The following TFRC variants were observed in gnomAD, a reference collection of about 807,000 sequenced individuals.
TFRC encodes the protein transferrin receptor, also known as transferrin receptor protein 1.
A neutral mutation model predicts 85.8 loss-of-function variants in TFRC; 35 were observed. That is an observed-to-expected ratio of 0.41 (90% confidence interval 0.31 to 0.54). The LOEUF is 0.54. TFRC is among the 20% of genes least tolerant of loss of function. The pLI is 0.31. For synonymous variants in TFRC, 362 were observed against 328.6 expected (o/e 1.10, Z -1.10); for missense variants, 828 against 921.5 (o/e 0.90, Z 1.31).
At chr3:196,052,292 C>G in intron 18 of TFRC, 108 bp from the exon 19 acceptor site, 1 of 546,024 alleles carries the variant, frequency 1.8e-6, no homozygotes, top group South Asian at 2.2e-5. Flanking sequence ...GCCGATCAGA[C>G]TTTTTTTTTT....
At chr3:196,070,421 C>G (rs112598473) in intron 6 of TFRC, among the ~76,000 whole-genome samples, 1 of 152,042 alleles carries the variant, frequency 6.6e-6, no homozygotes, top group Non-Finnish European at 1.5e-5. Flanking sequence ...CCCACCACCA[C>G]GCCTGGCTAA....
chr3:196,069,480 G>A lies in TFRC; in HGVS notation c.776C>T (p.Ala259Val), dbSNP rs1718009475. The change falls in exon 7 of 19, where the codon GCA becomes GTA. Residue 259 changes from alanine to valine, a missense_variant. Ala to Val is a moderately conservative substitution (Grantham distance 64, BLOSUM62 0). Transcript: ENST00000360110. ...CTTTTCTGCAAAGGTGATTTTCCCT[G>A]CTCTGACAATCACTATAGATCCATT... is the stretch of plus-strand genomic sequence containing the variant. The part of the protein sequence containing the change: ...PVNGSIVIVR[A>V]GKITFAEKVA... 1 of 1,611,694 alleles carries A rather than the reference G, an allele frequency of 6.2e-7. No homozygotes were observed. Among genetic ancestry groups the A allele is most frequent in the Non-Finnish European group, 8.5e-7 (1 of 1,178,458 alleles).
chr3:196,063,210 G>A, intron 11 of TFRC: 1 of 308,056 alleles, frequency 3.2e-6, no homozygotes. Context: ...GTACATAGCA[G>A]GGGCCAGTAG....
At chr3:196,064,281 T>C (rs1717525700) in intron 11 of TFRC, 28 bp downstream of exon 11, 2 of 1,598,808 alleles carry the variant, frequency 1.3e-6, no homozygotes, top group Non-Finnish European at 1.7e-6. Context: ...TGCACCAATA[T>C]TCAAAAGAAT....
chr3:196,055,649 A>G, intron 16 of TFRC: 1 of 333,924 alleles, frequency 3.0e-6, no homozygotes, highest in Non-Finnish European at 5.7e-6. Context: ...GAGAAGATAC[A>G]TGAAACATAC....
intron 16 of TFRC, among the ~76,000 whole-genome samples, chr3:196,056,282 G>C (rs1484772222): frequency 6.6e-6 from 1 of 152,130 alleles, no homozygotes; most frequent in East Asian, 1.9e-4. Flanking sequence ...GCCCACCTCA[G>C]CCACCCAATG....
At chr3:196,070,022 A>C (rs908170689) in intron 6 of TFRC, among the ~76,000 whole-genome samples, 5 of 152,224 alleles carry the variant, frequency 3.3e-5, no homozygotes, top group African/African-American at 1.2e-4. Context: ...CTAAGCTCAT[A>C]AGAGTCCAGA....
At chr3:196,064,205 C>T in intron 11 of TFRC, 104 bp downstream of exon 11, 1 of 1,250,786 alleles carries the variant, frequency 8.0e-7, no homozygotes, top group Non-Finnish European at 1.1e-6. Context: ...TAGAGTCTAG[C>T]ATGAGAACCA....
intron 16 of TFRC, 181 bp downstream of exon 16, chr3:196,058,103 C>A: frequency 4.1e-6 from 2 of 482,536 alleles, no homozygotes; most frequent in Non-Finnish European, 7.5e-6. Context: ...GAATAATTAC[C>A]TCAAAGTAAT....
chr3:196,082,069 C>T lies in TFRC; in HGVS notation c.-50G>A, dbSNP rs1719242677. ...CTAGCGCGTCCTCCGTCCCGAGCCG[C>T]CACCCGATATCCCGACGCTCTGAGG... is the stretch of plus-strand genomic sequence containing the variant. On this transcript the variant is annotated 5_prime_UTR_variant, in exon 1 of 19. Transcript: ENST00000360110. 2 of 153,492 alleles carry T rather than the reference C, an allele frequency of 1.3e-5. No individual in the cohort carries two copies. Among genetic ancestry groups the T allele is most frequent in the South Asian group, 2.1e-4 (1 of 4,844 alleles). 9.5% of individuals were successfully genotyped at this position (153,492 alleles called of 1,614,324 possible). A position where few individuals can be genotyped will look rare whatever the true frequency, so the allele number is the denominator to read the frequency against.
intron 9 of TFRC, among the ~76,000 whole-genome samples, chr3:196,066,457 A>C (rs1030239301): frequency 6.6e-6 from 1 of 151,236 alleles, no homozygotes; most frequent in African/African-American, 2.4e-5. Context: ...TGTCAAAATA[A>C]AAAAAAAATC....
chr3:196,055,548 G>GT (rs1355339991), intron 16 of TFRC: 10 of 553,620 alleles, frequency 1.8e-5, no homozygotes, highest in Non-Finnish European at 3.3e-5. Context: ...CTGTTCTATC[G>GT]TATCATATGC....
At chr3:196,059,595 C>A (rs1717098533) in intron 14 of TFRC, among the ~76,000 whole-genome samples, 1 of 151,870 alleles carries the variant, frequency 6.6e-6, no homozygotes, top group Non-Finnish European at 1.5e-5. Flanking sequence ...CAAATATTTT[C>A]TTTTTTATTT....
intron 14 of TFRC, 74 bp downstream of exon 14, chr3:196,060,106 T>C: frequency 2.5e-6 from 3 of 1,177,494 alleles, no homozygotes; most frequent in Non-Finnish European, 3.7e-6. Flanking sequence ...ACGGTTTACA[T>C]ATCAGTGTTT....
chr3:196,070,402 T>C (rs1718089898), intron 6 of TFRC, among the ~76,000 whole-genome samples: 1 of 151,986 alleles, frequency 6.6e-6, no homozygotes, highest in Admixed American at 6.6e-5. Context: ...GTAGCTGGGA[T>C]TACAGGCACC....
intron 16 of TFRC, chr3:196,055,649 A>C (rs1560067638): frequency 3.0e-6 from 1 of 333,924 alleles, no homozygotes; most frequent in Non-Finnish European, 5.7e-6. Flanking sequence ...GAGAAGATAC[A>C]TGAAACATAC....
chr3:196,057,450 G>GT, intron 16 of TFRC, among the ~76,000 whole-genome samples: 1 of 152,256 alleles, frequency 6.6e-6, no homozygotes, highest in East Asian at 1.9e-4. Context: ...TTTTGGAGAC[G>GT]TGAGTCTTGC....
intron 8 of TFRC, 84 bp downstream of exon 8, chr3:196,067,948 G>T: frequency 8.9e-7 from 1 of 1,117,914 alleles, no homozygotes; most frequent in South Asian, 1.4e-5. Context: ...AGTTAAGGAA[G>T]ACACAGTGCT....
intron 16 of TFRC, among the ~76,000 whole-genome samples, chr3:196,056,557 G>A (rs1057076646): frequency 6.6e-6 from 1 of 151,926 alleles, no homozygotes; most frequent in African/African-American, 2.4e-5. Flanking sequence ...GTGCCACCAT[G>A]CCCAGCTAAT....
Sources: allele counts gnomAD v4.1 joint callset (sites outside exome capture counted in the v4.1 genomes callset), GRCh38; gene constraint gnomAD v4.1.1; transcripts MANE v1.5; gene names NCBI Gene and HGNC (gene_info 2026-07-23, HGNC 2026-07-21).